The following NUP210L variants were observed in gnomAD, a reference collection of about 807,000 sequenced individuals.
NUP210L encodes the protein nuclear pore membrane glycoprotein 210-like.
Under a neutral mutation model 208.5 loss-of-function variants are expected in NUP210L, and 74 were observed. The ratio of observed to expected loss-of-function variants is 0.35; its 90% CI spans 0.29 to 0.43. The LOEUF (loss-of-function observed/expected upper bound fraction) is 0.43, where lower values mean the gene tolerates loss of function less well. Ranked by LOEUF, NUP210L falls within the 20% of genes least tolerant of loss-of-function variation. The probability of loss-of-function intolerance (pLI) is 1.00; values close to 1 mark genes in which losing one functional copy is unlikely to be tolerated. For synonymous variants in NUP210L, 780 were observed against 816.9 expected (o/e 0.95, Z 0.77); for missense variants, 1,843 against 2,289.4 (o/e 0.81, Z 3.98).
At chr1:154,012,115 T>C (rs992710459) in intron 34 of NUP210L, 129 bp downstream of exon 34, 1 of 887,854 alleles carries the variant, frequency 1.1e-6, no homozygotes, top group African/African-American at 1.7e-5. Flanking sequence ...GCTCTATGAT[T>C]TATTTGTCAA....
At chr1:154,009,154 AC>A (rs1161788723) in intron 35 of NUP210L, among the ~76,000 whole-genome samples, 1 of 151,834 alleles carries the variant, frequency 6.6e-6, no homozygotes, top group Non-Finnish European at 1.5e-5. Flanking sequence ...CAGGTGATCC[AC>A]CTGCCTCGGC....
chr1:153,996,996 T>A (rs1448910731), intron 37 of NUP210L, among the ~76,000 whole-genome samples: 1 of 151,316 alleles, frequency 6.6e-6, no homozygotes, highest in Non-Finnish European at 1.5e-5. Flanking sequence ...GGAGTTTCAC[T>A]CTTGTTGCCC....
rs1176401972 is a variant in NUP210L, at chr1:154,105,628, ACTT to A, written c.1621-1421_1621-1419del. Among the ~76,000 whole-genome samples the A allele has an allele frequency of 5.9e-5, 9 of 152,284 alleles. No individual in the cohort carries two copies. In the South Asian group the frequency reaches 1.2e-3, roughly 21 times the overall value. ...CCAGCTGTGATGACCATGAGCAGAG[ACTT>A]CTTCTGCTTAAGAAAAGGAAATGGA... On this transcript the variant is annotated intron_variant, in intron 12 of 39. Coordinates refer to ENST00000368559, the Ensembl canonical transcript of NUP210L.
chr1:154,050,637 C>T lies in NUP210L; in HGVS notation c.3483+3591G>A, dbSNP rs1034964001. 4.6e-5 allele frequency among the ~76,000 whole-genome samples: 7 copies of T among 152,082 alleles called. No individual in the cohort carries two copies. In the South Asian group the frequency reaches 6.2e-4, roughly 14 times the overall value. ...ATATGATCCCAGAAAAATTATTGTC[C>T]CTCTCACGAAGGCATAAATACAGCA... On this transcript the variant is annotated intron_variant, in intron 25 of 39. Coordinates refer to ENST00000368559, the Ensembl canonical transcript of NUP210L.
In NUP210L at chr1:154,029,964, AG is replaced by A; in HGVS notation, c.3786del (p.Cys1263AlafsTer2). On this transcript the variant is annotated frameshift_variant, in exon 28 of 40. Coordinates refer to ENST00000368559, the Ensembl canonical transcript of NUP210L. LOFTEE classifies it high-confidence loss of function. ...AACTGCCCAGAGGAACTGTTCATGCAGTGAACAGTGACCTTGATACTGGTCC... is the reference window on the plus strand; with the variant it reads ...AACTGCCCAGAGGAACTGTTCATGCATGAACAGTGACCTTGATACTGGTCC... The A allele has an allele frequency of 6.2e-7, 1 of 1,610,046 alleles. No individual in the cohort carries two copies. Among genetic ancestry groups the A allele is most frequent in the Non-Finnish European group, 8.5e-7 (1 of 1,177,398 alleles).
intron 25 of NUP210L, among the ~76,000 whole-genome samples, chr1:154,052,159 A>C (rs1340747908): frequency 6.6e-6 from 1 of 152,258 alleles, no homozygotes; most frequent in Non-Finnish European, 1.5e-5. Flanking sequence ...ACAGAAGCAG[A>C]ACAATTGGTT....
intron 7 of NUP210L, among the ~76,000 whole-genome samples, chr1:154,129,773 C>G (rs1254787221): frequency 1.3e-5 from 2 of 152,152 alleles, no homozygotes; most frequent in Non-Finnish European, 2.9e-5. Context: ...TGCCATCCAG[C>G]AACATGCCTA....
In NUP210L at chr1:154,056,957, C is replaced by T; in HGVS notation, c.3108-10G>A. 2 of 1,606,240 alleles carry T rather than the reference C, an allele frequency of 1.2e-6. No homozygotes were observed. The highest frequency in any genetic ancestry group is 1.7e-6 in the Non-Finnish European group (2 of 1,177,560). ...CTGTTGCTCCATTGGTCTGCAAAAA[C>T]CCATGTATTTTCAGGTGAGAAAGAT... On this transcript the variant is annotated splice_polypyrimidine_tract_variant and intron_variant, in intron 22 of 39. Coordinates refer to ENST00000368559, the Ensembl canonical transcript of NUP210L.
intron 2 of NUP210L, among the ~76,000 whole-genome samples, chr1:154,144,366 T>C (rs1043851012): frequency 6.6e-6 from 1 of 152,192 alleles, no homozygotes; most frequent in African/African-American, 2.4e-5. Context: ...GTGGCAACTG[T>C]AAGTCAGTCC....
Position 154,000,839 on chromosome 1 carries a change from G to T in NUP210L, c.5386+17C>A, listed in dbSNP as rs1324081422. Reference sequence around the variant, plus strand: ...CTTTTCCTCTCTAGATTATAAATAGGAATCTCTGATGCTTACCTGCACCCA... The same window carrying T: ...CTTTTCCTCTCTAGATTATAAATAGTAATCTCTGATGCTTACCTGCACCCA... On this transcript the variant is annotated intron_variant, in intron 37 of 39. Coordinates refer to ENST00000368559, the Ensembl canonical transcript of NUP210L. 1 of 1,597,732 alleles carries T rather than the reference G, an allele frequency of 6.3e-7. No homozygotes were observed.
At chr1:154,128,624 G>A (rs1658101567) in intron 8 of NUP210L, among the ~76,000 whole-genome samples, 1 of 152,132 alleles carries the variant, frequency 6.6e-6, no homozygotes, top group Non-Finnish European at 1.5e-5. Flanking sequence ...GCCGAGGAGA[G>A]CAAATCGCTT....
At chr1:154,155,003 C>G in exon 1 of NUP210L, 1 of 1,613,270 alleles carries the variant, frequency 6.2e-7, no homozygotes, top group Non-Finnish European at 8.5e-7. Flanking sequence ...AGAAAAAGAG[C>G]CCGAAGCCTC....
chr1:154,038,343 T>TTTTA (rs1652678183), intron 27 of NUP210L, among the ~76,000 whole-genome samples: 1 of 150,702 alleles, frequency 6.6e-6, no homozygotes, highest in African/African-American at 2.4e-5. Flanking sequence ...TTTTCTTTTT[T>TTTTA]TTTTTTTTTT....
At chr1:154,105,460 G>A (rs1571278691) in intron 12 of NUP210L, among the ~76,000 whole-genome samples, 1 of 146,336 alleles carries the variant, frequency 6.8e-6, no homozygotes, top group East Asian at 2.0e-4. Context: ...CTGCACTCCA[G>A]CCTAGGTGAC....
chr1:154,054,854 G>A, intron 23 of NUP210L, 22 bp from the exon 24 acceptor site: 1 of 1,566,378 alleles, frequency 6.4e-7, no homozygotes, highest in Non-Finnish European at 8.8e-7. Flanking sequence ...AAACCAAAAG[G>A]ACAACAGTAA....
intron 27 of NUP210L, among the ~76,000 whole-genome samples, chr1:154,032,950 G>GAAAAA (rs1652317436): frequency 8.0e-6 from 1 of 124,392 alleles, no homozygotes; most frequent in Admixed American, 9.0e-5. Context: ...AAGAAAGAAA[G>GAAAAA]AAGAAAAGAA....
At chr1:154,131,783 T>G (rs72696218) in intron 7 of NUP210L, among the ~76,000 whole-genome samples, 1,848 of 152,002 alleles carry the variant, frequency 0.012, 18 homozygotes, top group East Asian at 0.037. Context: ...CTCTTTCTGG[T>G]TTTTCTTTCT....
intron 27 of NUP210L, among the ~76,000 whole-genome samples, chr1:154,037,697 A>C (rs763658758): frequency 6.6e-6 from 1 of 150,956 alleles, no homozygotes; most frequent in Non-Finnish European, 1.5e-5. Flanking sequence ...TGAGATGGAG[A>C]CTTGCTCCTC....
chr1:154,149,583 C>G (rs1342860684), intron 2 of NUP210L, among the ~76,000 whole-genome samples: 1 of 152,080 alleles, frequency 6.6e-6, no homozygotes, highest in Non-Finnish European at 1.5e-5. Context: ...GTGGTGCCCC[C>G]CTGTAGTCCC....
Sources: allele counts gnomAD v4.1 joint callset (sites outside exome capture counted in the v4.1 genomes callset), GRCh38; gene constraint gnomAD v4.1.1; transcripts MANE v1.5; gene names NCBI Gene and HGNC (gene_info 2026-07-23, HGNC 2026-07-21).